RARB: variants seen among roughly 807,000 people sequenced by gnomAD.
The protein encoded by RARB is HBV-activated protein.
A neutral mutation model predicts 51.9 loss-of-function variants in RARB; 17 were observed. The ratio of observed to expected loss-of-function variants is 0.33; its 90% confidence interval spans 0.22 to 0.49. The LOEUF (loss-of-function observed/expected upper bound fraction) is 0.49. Ranked by LOEUF, RARB falls within the 20% of genes least tolerant of loss-of-function variation. RARB has a pLI of 0.99. For missense variants in RARB, 369 were observed against 550.8 expected, an observed-to-expected ratio of 0.67 and a Z score of 3.30; for synonymous variants, 215 against 195.4, an observed-to-expected ratio of 1.10 and a Z score of -0.84.
chr3:25,062,705 G>A (rs1214019060), intron 3 of RARB, among the ~76,000 whole-genome samples: 2 of 151,918 alleles, frequency 1.3e-5, no homozygotes, highest in Non-Finnish European at 2.9e-5. Context: ...GAAATGTCCG[G>A]AATGTGCAAA....
rs375140607 is a variant in RARB, at chr3:25,036,786, T to C, written c.-379-23339T>C. Among the ~76,000 whole-genome samples, 52 of 152,320 alleles carry C rather than the reference T, an allele frequency of 3.4e-4. No individual in the cohort carries two copies. The South Asian group carries it at 0.011, about 31-fold the overall frequency. Reference sequence around the variant, plus strand: ...ACAAGCCATGCAGCCAACTAACTCCTAAGTGTGCTTGTTTGCATTCAGGGT... The same window carrying C: ...ACAAGCCATGCAGCCAACTAACTCCCAAGTGTGCTTGTTTGCATTCAGGGT... On this transcript the variant is annotated intron_variant, in intron 2 of 11. Coordinates refer to the RARB transcript ENST00000383772.
chr3:25,038,777 C>T (rs746650595), intron 2 of RARB, among the ~76,000 whole-genome samples: 40 of 152,042 alleles, frequency 2.6e-4, no homozygotes, highest in Non-Finnish European at 4.7e-4. Flanking sequence ...GAAGAGTGAT[C>T]GATACATTAC....
chr3:25,217,499 C>A (rs187566588), intron 5 of RARB, among the ~76,000 whole-genome samples: 3 of 152,016 alleles, frequency 2.0e-5, no homozygotes, highest in Non-Finnish European at 2.9e-5. Flanking sequence ...TACTCCCACC[C>A]CCCCCAATTC....
chr3:25,153,312 C>A (rs936743070), intron 4 of RARB, among the ~76,000 whole-genome samples: 3 of 152,160 alleles, frequency 2.0e-5, no homozygotes, highest in African/African-American at 7.2e-5. Context: ...TTTTAACAAG[C>A]AATTTCCAAA....
intron 2 of RARB, among the ~76,000 whole-genome samples, chr3:25,047,038 C>T (rs937888851): frequency 6.6e-6 from 1 of 152,060 alleles, no homozygotes; most frequent in Non-Finnish European, 1.5e-5. Context: ...TATCATTGGA[C>T]CACCCTTGTC....
intron 3 of RARB, among the ~76,000 whole-genome samples, chr3:25,087,599 C>T (rs1285842325): frequency 1.3e-5 from 2 of 152,072 alleles, no homozygotes; most frequent in African/African-American, 4.8e-5. Context: ...TCAGATAATA[C>T]ACATAAATTA....
intron 2 of RARB, among the ~76,000 whole-genome samples, chr3:25,482,173 C>G (rs996523263): frequency 6.6e-6 from 1 of 152,174 alleles, no homozygotes; most frequent in African/African-American, 2.4e-5. Flanking sequence ...GCACATAATG[C>G]TATGGAAACA....
chr3:25,203,878 T>C (rs1262921513), intron 5 of RARB, among the ~76,000 whole-genome samples: 1 of 152,102 alleles, frequency 6.6e-6, no homozygotes, highest in Non-Finnish European at 1.5e-5. Context: ...TTTCCTTCAT[T>C]TCAATTATGA....
intron 4 of RARB, among the ~76,000 whole-genome samples, chr3:25,148,456 G>C (rs1306417313): frequency 6.6e-6 from 1 of 152,180 alleles, no homozygotes; most frequent in Non-Finnish European, 1.5e-5. Context: ...ATATCAGTAA[G>C]AAATATCTCT....
At chr3:25,335,134 G>T (rs1705026670) in intron 5 of RARB, among the ~76,000 whole-genome samples, 1 of 152,122 alleles carries the variant, frequency 6.6e-6, no homozygotes, top group Admixed American at 6.5e-5. Context: ...TATAATATGG[G>T]GATGGTAATA....
chr3:24,920,966 T>G (rs1442779612), intron 2 of RARB, among the ~76,000 whole-genome samples: 3 of 152,174 alleles, frequency 2.0e-5, no homozygotes, highest in Admixed American at 2.0e-4. Flanking sequence ...TCACTTCCCC[T>G]CATACTGGCC....
intron 5 of RARB, among the ~76,000 whole-genome samples, chr3:25,582,882 TA>T (rs1323725040): frequency 2.0e-5 from 3 of 152,196 alleles, no homozygotes; most frequent in Non-Finnish European, 4.4e-5. Flanking sequence ...AGGCATTAAA[TA>T]AGGTAATTAC....
intron 3 of RARB, among the ~76,000 whole-genome samples, chr3:25,089,920 C>T (rs1008411207): frequency 6.6e-6 from 1 of 152,170 alleles, no homozygotes; most frequent in African/African-American, 2.4e-5. Flanking sequence ...AAAGTCCCCA[C>T]TGAATGGCAC....
chr3:25,262,512 G>T (rs976596591), intron 5 of RARB, among the ~76,000 whole-genome samples: 8 of 152,180 alleles, frequency 5.3e-5, no homozygotes, highest in Non-Finnish European at 7.3e-5. Flanking sequence ...GTTGACTTTG[G>T]ACATGATCCT....
At chr3:24,866,986 A>C (rs1030235649) in intron 2 of RARB, among the ~76,000 whole-genome samples, 2 of 152,216 alleles carry the variant, frequency 1.3e-5, no homozygotes, top group African/African-American at 4.8e-5. Flanking sequence ...GTGGGGTTAC[A>C]GGAGGGTCTG....
chr3:25,205,588 C>G (rs1701519172), intron 5 of RARB, among the ~76,000 whole-genome samples: 1 of 151,912 alleles, frequency 6.6e-6, no homozygotes, highest in Non-Finnish European at 1.5e-5. Flanking sequence ...ATGTTTTTAA[C>G]CCAAAAAAAA....
At chr3:25,379,137 GCCTTGGTGTGTACAAACTCCCCAC>G (rs1422757761) in intron 5 of RARB, among the ~76,000 whole-genome samples, 1 of 152,118 alleles carries the variant, frequency 6.6e-6, no homozygotes, top group Non-Finnish European at 1.5e-5. Context: ...TGTTTAGATA[GCCTTGGTGTGTACAAACTCCCCAC>G]CCTCAGCTCC....
intron 3 of RARB, among the ~76,000 whole-genome samples, chr3:25,108,778 A>G (rs752731466): frequency 1.3e-5 from 2 of 152,216 alleles, no homozygotes; most frequent in African/African-American, 2.4e-5. Context: ...AAAACTAAAT[A>G]TGAATTAACT....
chr3:25,192,385 C>A (rs185436100), intron 5 of RARB, among the ~76,000 whole-genome samples: 3 of 152,126 alleles, frequency 2.0e-5, no homozygotes, highest in Non-Finnish European at 4.4e-5. Context: ...AATATCCTCC[C>A]TGATGAATGG....
Sources: allele counts gnomAD v4.1 joint callset (sites outside exome capture counted in the v4.1 genomes callset), GRCh38; gene constraint gnomAD v4.1.1; transcripts MANE v1.5; gene names NCBI Gene and HGNC (gene_info 2026-07-23, HGNC 2026-07-21).